Variants in SWT1 observed in about 807,000 individuals in gnomAD.
SWT1 encodes SWT1 RNA endoribonuclease homolog, also known as transcriptional protein SWT1.
A neutral mutation model predicts 107.3 loss-of-function variants in SWT1; 33 were observed. The observed-to-expected ratio is 0.31, with a 90% confidence interval of 0.23 to 0.41. SWT1 has a LOEUF of 0.41. Ranked by LOEUF, SWT1 falls within the 10% of genes least tolerant of loss-of-function variation. The probability of loss-of-function intolerance (pLI) is 1.00; values close to 1 mark genes in which losing one functional copy is unlikely to be tolerated. For synonymous variants in SWT1, 345 were observed against 348.3 expected, an observed-to-expected ratio of 0.99 and a Z score of 0.11; for missense variants, 898 against 1,028.9, an observed-to-expected ratio of 0.87 and a Z score of 1.74.
intron 18 of SWT1, among the ~76,000 whole-genome samples, chr1:185,288,442 A>G (rs1571722359): frequency 1.3e-5 from 2 of 152,024 alleles, no homozygotes; most frequent in East Asian, 3.9e-4. Flanking sequence ...AATATGGTAC[A>G]TTTACTTTAT....
chr1:185,227,328 TC>T, intron 15 of SWT1: 1 of 735,406 alleles, frequency 1.4e-6, no homozygotes, highest in Non-Finnish European at 2.5e-6. Context: ...GCCAGTCTCT[TC>T]CACTTGGCTT....
intron 16 of SWT1, among the ~76,000 whole-genome samples, chr1:185,241,721 C>T (rs1661266824): frequency 1.3e-5 from 2 of 151,930 alleles, no homozygotes; most frequent in South Asian, 4.1e-4. Context: ...GTTTTATAGT[C>T]TTTGTGATAG....
At chr1:185,183,707 C>T (rs1656218899) in intron 7 of SWT1, among the ~76,000 whole-genome samples, 1 of 152,118 alleles carries the variant, frequency 6.6e-6, no homozygotes, top group Non-Finnish European at 1.5e-5. Context: ...CATAATTACT[C>T]CCCAGGCAAG....
chr1:185,286,067 T>C (rs1558104880), intron 18 of SWT1, among the ~76,000 whole-genome samples: 1 of 152,226 alleles, frequency 6.6e-6, no homozygotes, highest in Non-Finnish European at 1.5e-5. Flanking sequence ...GATCAGCTTT[T>C]CTGTTTCTAC....
intron 15 of SWT1, among the ~76,000 whole-genome samples, chr1:185,231,041 G>A (rs568929345): frequency 3.3e-5 from 5 of 152,034 alleles, no homozygotes; most frequent in South Asian, 2.1e-4. Context: ...GAGCCGTCTC[G>A]CCCAGCCTAG....
chr1:185,179,002 G>A (rs952437458), intron 5 of SWT1, among the ~76,000 whole-genome samples: 3 of 152,198 alleles, frequency 2.0e-5, no homozygotes, highest in African/African-American at 7.2e-5. Flanking sequence ...TGGGCGCAGT[G>A]GCTCGTGCCT....
chr1:185,192,776 A>C (rs1657066329), intron 10 of SWT1, among the ~76,000 whole-genome samples: 1 of 151,620 alleles, frequency 6.6e-6, no homozygotes, highest in African/African-American at 2.4e-5. Flanking sequence ...GCCTCCCAAG[A>C]AGCTGAGATT....
intron 9 of SWT1, 67 bp downstream of exon 9, chr1:185,184,998 G>A (rs1656329582): frequency 8.9e-7 from 1 of 1,129,248 alleles, no homozygotes; most frequent in Non-Finnish European, 1.2e-6. Context: ...ATTATTGGAG[G>A]GAAATGGTGC....
At chr1:185,192,649 C>CTT (rs869246878) in intron 10 of SWT1, among the ~76,000 whole-genome samples, 4 of 139,568 alleles carry the variant, frequency 2.9e-5, no homozygotes, top group Non-Finnish European at 3.1e-5. Context: ...TAACGCCTCT[C>CTT]TTTTTTTTTT....
At chr1:185,190,118 G>C (rs1656829395) in intron 9 of SWT1, among the ~76,000 whole-genome samples, 1 of 152,208 alleles carries the variant, frequency 6.6e-6, no homozygotes, top group Admixed American at 6.5e-5. Context: ...AAAGTGCTGG[G>C]ATTACAGGCG....
At chr1:185,184,208 T>C (rs1656263347) in intron 7 of SWT1, 35 bp from the exon 8 acceptor site, 1 of 1,096,170 alleles carries the variant, frequency 9.1e-7, no homozygotes, top group Non-Finnish European at 1.4e-6. Context: ...AAGTCTGTTA[T>C]CAAGTGTCAT....
intron 17 of SWT1, among the ~76,000 whole-genome samples, chr1:185,275,041 G>C (rs949315872): frequency 1.3e-5 from 2 of 152,026 alleles, no homozygotes; most frequent in African/African-American, 4.8e-5. Flanking sequence ...GTGGATGGTT[G>C]CTTTTACAAC....
chr1:185,220,346 A>G (rs1367710647), intron 14 of SWT1, among the ~76,000 whole-genome samples: 2 of 151,398 alleles, frequency 1.3e-5, no homozygotes, highest in Non-Finnish European at 2.9e-5. Context: ...AAGAAACTGT[A>G]GGTTGTCATT....
At chr1:185,241,987 C>G (rs2102611247) in intron 16 of SWT1, among the ~76,000 whole-genome samples, 1 of 152,174 alleles carries the variant, frequency 6.6e-6, no homozygotes, top group Non-Finnish European at 1.5e-5. Context: ...ACATTGTTAT[C>G]CTTGATTACT....
chr1:185,252,767 A>G lies in SWT1; in HGVS notation c.2442-18556A>G, dbSNP rs893147375. Reference sequence around the variant, plus strand: ...CTCTGTTGGTAGTTTCTTTTGCTGTACAGAAGCTCTTGAGTTTAATTAGAT... The same window carrying G: ...CTCTGTTGGTAGTTTCTTTTGCTGTGCAGAAGCTCTTGAGTTTAATTAGAT... On this transcript the variant is annotated intron_variant, in intron 16 of 18. Coordinates refer to ENST00000367500, the MANE Select transcript of SWT1 (RefSeq NM_017673.7). 3.9e-5 allele frequency among the ~76,000 whole-genome samples: 6 copies of G among 152,062 alleles called. No homozygotes were observed. In the East Asian group the frequency reaches 5.8e-4, roughly 15 times the overall value.
At chr1:185,168,110 C>T (rs895444072) in intron 3 of SWT1, among the ~76,000 whole-genome samples, 4 of 152,138 alleles carry the variant, frequency 2.6e-5, no homozygotes, top group Admixed American at 6.6e-5. Context: ...TCAGACAGAT[C>T]TATTTACAGA....
intron 10 of SWT1, 45 bp downstream of exon 10, chr1:185,190,687 C>A: frequency 1.7e-6 from 2 of 1,189,574 alleles, no homozygotes; most frequent in Non-Finnish European, 1.2e-6. Flanking sequence ...AAAAATAAAC[C>A]AAATAATTTA....
intron 16 of SWT1, among the ~76,000 whole-genome samples, chr1:185,237,991 AT>A (rs756534304): frequency 3.0e-3 from 427 of 143,874 alleles, no homozygotes; most frequent in Middle Eastern, 7.0e-3. Flanking sequence ...ACCTGGGGTG[AT>A]TTTTTTTTTT....
intron 18 of SWT1, among the ~76,000 whole-genome samples, chr1:185,276,935 C>T (rs1334273974): frequency 2.0e-5 from 3 of 151,648 alleles, no homozygotes; most frequent in Non-Finnish European, 4.4e-5. Flanking sequence ...TCCCAAAGAG[C>T]TTTTTTTTGT....
Sources: gnomAD v4.1 joint callset for allele counts (sites outside exome capture counted in the v4.1 genomes callset) on GRCh38, gnomAD v4.1.1 for gene constraint, MANE v1.5 for transcripts, NCBI Gene and HGNC (gene_info 2026-07-23, HGNC 2026-07-21) for gene names.